FRAS1: variants seen among roughly 807,000 people sequenced by gnomAD.
FRAS1 encodes the protein extracellular matrix organizing protein FRAS1.
FRAS1 carries 290 observed loss-of-function variants against 435.2 expected under a neutral mutation model. The observed-to-expected ratio is 0.67, with a 90% CI of 0.61 to 0.73. The LOEUF (loss-of-function observed/expected upper bound fraction) is 0.73, where lower values mean the gene tolerates loss of function less well. Among genes scored for constraint, FRAS1 ranks in the 30% least tolerant of loss-of-function variants. FRAS1 has a pLI of 0.00. For synonymous variants in FRAS1, 1,800 were observed against 1,851.0 expected (o/e 0.97, Z 0.71); for missense variants, 4,860 against 5,001.5 (o/e 0.97, Z 0.85).
At chr4:78,245,995 C>T (rs1725224685) in intron 4 of FRAS1, among the ~76,000 whole-genome samples, 1 of 152,166 alleles carries the variant, frequency 6.6e-6, no homozygotes, top group Non-Finnish European at 1.5e-5. Flanking sequence ...TGCTCACCTT[C>T]CCCCTTTTGA....
chr4:78,088,854 T>G (rs1245412453), intron 2 of FRAS1, among the ~76,000 whole-genome samples: 2 of 152,196 alleles, frequency 1.3e-5, no homozygotes, highest in African/African-American at 2.4e-5. Context: ...GTTCAACCAT[T>G]GTGGAAGTCA....
chr4:78,059,143 C>T (rs1371100173), intron 1 of FRAS1, among the ~76,000 whole-genome samples: 3 of 152,172 alleles, frequency 2.0e-5, no homozygotes, highest in Non-Finnish European at 2.9e-5. Flanking sequence ...GGCGGGCCGC[C>T]TTCTCCGCCC....
intron 3 of FRAS1, among the ~76,000 whole-genome samples, chr4:78,241,166 G>T (rs945079656): frequency 6.6e-6 from 1 of 152,108 alleles, no homozygotes; most frequent in Non-Finnish European, 1.5e-5. Flanking sequence ...GAGAAGTGGG[G>T]CCTTAGGTAG....
intron 9 of FRAS1, among the ~76,000 whole-genome samples, chr4:78,269,870 A>C (rs1726562996): frequency 6.6e-6 from 1 of 152,214 alleles, no homozygotes; most frequent in African/African-American, 2.4e-5. Context: ...AGCAAAATGC[A>C]TAGGAGAGGG....
At chr4:78,507,373 G>T in intron 61 of FRAS1, 48 bp from the exon 62 acceptor site, 1 of 1,536,194 alleles carries the variant, frequency 6.5e-7, no homozygotes, top group Admixed American at 2.1e-5. Context: ...TCTTGGGTGT[G>T]TTTCCTAATG....
chr4:78,479,997 C>A (rs1000966577), intron 56 of FRAS1, among the ~76,000 whole-genome samples: 1 of 152,138 alleles, frequency 6.6e-6, no homozygotes, highest in Admixed American at 6.5e-5. Flanking sequence ...TATTTTGATA[C>A]AGGCATGTAA....
intron 20 of FRAS1, among the ~76,000 whole-genome samples, chr4:78,343,779 G>A (rs1366126885): frequency 1.3e-5 from 2 of 152,252 alleles, no homozygotes; most frequent in South Asian, 2.1e-4. Context: ...AAGAACCCTG[G>A]AGGGAGCCTG....
intron 44 of FRAS1, 25 bp from the exon 45 acceptor site, chr4:78,450,126 C>T (rs905749507): frequency 3.1e-6 from 5 of 1,588,608 alleles, no homozygotes; most frequent in Non-Finnish European, 4.3e-6. Flanking sequence ...GGGGAATAAC[C>T]TACTCTCTTC....
At chr4:78,099,953 A>G (rs1742035172) in intron 2 of FRAS1, among the ~76,000 whole-genome samples, 1 of 152,118 alleles carries the variant, frequency 6.6e-6, no homozygotes, top group Non-Finnish European at 1.5e-5. Flanking sequence ...GCCACAGGGG[A>G]AAGAGGCAGC....
intron 25 of FRAS1, 37 bp downstream of exon 25, chr4:78,374,288 G>A: frequency 6.5e-7 from 1 of 1,541,148 alleles, no homozygotes; most frequent in Non-Finnish European, 8.9e-7. Context: ...GGAAAGAAGT[G>A]AGGGCAGCAA....
At chr4:78,473,415 A>G in intron 52 of FRAS1, 23 bp from the exon 53 acceptor site, 2 of 1,603,662 alleles carry the variant, frequency 1.2e-6, no homozygotes, top group Non-Finnish European at 1.7e-6. Flanking sequence ...GGGTTAATTC[A>G]CAGTGAGTCT....
rs185006955 is a variant in FRAS1 at position 78,085,738 on chromosome 4, A to G, written c.108+19722A>G. Among the ~76,000 whole-genome samples, 81 of 152,336 alleles carry G rather than the reference A, an allele frequency of 5.3e-4. No homozygotes were observed. The East Asian group carries it at 8.1e-3, about 15-fold the overall frequency. On this transcript the variant is annotated intron_variant, in intron 2 of 73. Coordinates refer to ENST00000512123, the MANE Select transcript of FRAS1 (RefSeq NM_025074.7). ...AAGACGAGCCAACTATCCTAAATATATATGCACCCAATACAGGAGCACCCA... is the reference window on the plus strand; with the variant it reads ...AAGACGAGCCAACTATCCTAAATATGTATGCACCCAATACAGGAGCACCCA...
At chr4:78,429,613 G>A (rs571830906) in intron 36 of FRAS1, among the ~76,000 whole-genome samples, 2 of 152,338 alleles carry the variant, frequency 1.3e-5, no homozygotes, top group Non-Finnish European at 2.9e-5. Context: ...AGAAGCTTCA[G>A]AAGTTGTGAA....
At chr4:78,336,739 C>T (rs1418219062) in intron 19 of FRAS1, among the ~76,000 whole-genome samples, 4 of 152,170 alleles carry the variant, frequency 2.6e-5, no homozygotes, top group Admixed American at 1.3e-4. Context: ...CCACCAGCCA[C>T]GTGCCAGGAG....
intron 47 of FRAS1, among the ~76,000 whole-genome samples, chr4:78,457,222 T>C (rs558422335): frequency 6.6e-6 from 1 of 152,316 alleles, no homozygotes; most frequent in South Asian, 2.1e-4. Flanking sequence ...TTCCTCCCAC[T>C]GTGGAGTCCA....
intron 2 of FRAS1, among the ~76,000 whole-genome samples, chr4:78,153,162 G>A (rs1720742097): frequency 6.6e-6 from 1 of 152,046 alleles, no homozygotes; most frequent in Admixed American, 6.6e-5. Context: ...TTTTGTCCAT[G>A]GCATACAAGA....
At chr4:78,202,107 G>T (rs1723072299) in intron 2 of FRAS1, among the ~76,000 whole-genome samples, 1 of 152,128 alleles carries the variant, frequency 6.6e-6, no homozygotes, top group Non-Finnish European at 1.5e-5. Flanking sequence ...ACATTACTGT[G>T]CACAGGACAG....
intron 2 of FRAS1, among the ~76,000 whole-genome samples, chr4:78,230,030 A>G (rs1724453768): frequency 1.3e-5 from 2 of 152,230 alleles, no homozygotes; most frequent in African/African-American, 2.4e-5. Flanking sequence ...TCTTGCACAA[A>G]GACATTTTTA....
At chr4:78,177,956 A>C (rs573563965) in intron 2 of FRAS1, among the ~76,000 whole-genome samples, 2 of 152,100 alleles carry the variant, frequency 1.3e-5, no homozygotes, top group African/African-American at 4.8e-5. Context: ...GGGTGACTTA[A>C]AAAAATTAGA....
Sources: allele counts gnomAD v4.1 joint callset (sites outside exome capture counted in the v4.1 genomes callset), GRCh38; gene constraint gnomAD v4.1.1; transcripts MANE v1.5; gene names NCBI Gene and HGNC (gene_info 2026-07-23, HGNC 2026-07-21).